FAM167A: variants seen among roughly 807,000 people sequenced by gnomAD.
FAM167A encodes protein FAM167A.
A neutral mutation model predicts 14.9 loss-of-function variants in FAM167A; 23 were observed. The ratio of observed to expected loss-of-function variants is 1.55; its 90% CI spans 1.11 to 2.19. The LOEUF (loss-of-function observed/expected upper bound fraction) is 2.19. Among genes scored for constraint, FAM167A ranks in the 30% most tolerant of loss-of-function variants. The pLI, the probability that FAM167A is intolerant of heterozygous loss-of-function variation, is 0.00. For synonymous variants in FAM167A, 174 were observed against 117.7 expected, an observed-to-expected ratio of 1.48 and a Z score of -3.10; for missense variants, 401 against 281.5, an observed-to-expected ratio of 1.42 and a Z score of -3.04.
At chr8:11,448,514 G>C (rs758415808) in intron 1 of FAM167A, among the ~76,000 whole-genome samples, 8 of 152,188 alleles carry the variant, frequency 5.3e-5, no homozygotes, top group Non-Finnish European at 1.2e-4. Flanking sequence ...GCACTGAGCA[G>C]ACACTCTGTT....
rs139444282 is a variant in FAM167A, at chr8:11,447,472, C to T, written c.-397-2664G>A. ...CCATCTGGTGGCACGGGCATTAGCCCCTGTGAACTGTGACCAGCTAGTGAT... is the reference window on the plus strand; with the variant it reads ...CCATCTGGTGGCACGGGCATTAGCCTCTGTGAACTGTGACCAGCTAGTGAT... On this transcript the variant is annotated intron_variant, in intron 1 of 2. Coordinates refer to ENST00000284486, the MANE Select transcript of FAM167A (RefSeq NM_053279.3). Among the ~76,000 whole-genome samples the T allele has an allele frequency of 3.1e-3, 476 of 152,330 alleles. 4 individuals carry two copies. The highest frequency in any genetic ancestry group is 0.011 in the African/African-American group (439 of 41,566).
At chr8:11,427,875 C>T (rs10102600) in intron 2 of FAM167A, among the ~76,000 whole-genome samples, 130,572 of 152,198 alleles carry the variant, frequency 0.86, 56,513 homozygotes, top group African/African-American at 0.97. Context: ...ATTCTATTGA[C>T]CTAGAATAGC....
chr8:11,463,572 C>A (rs141950895), intron 1 of FAM167A, among the ~76,000 whole-genome samples: 3 of 152,342 alleles, frequency 2.0e-5, no homozygotes, highest in Non-Finnish European at 2.9e-5. Flanking sequence ...ACTGCCTAGG[C>A]TCTTTCCATA....
At chr8:11,443,942 T>A in intron 2 of FAM167A, 89 bp downstream of exon 2, 1 of 1,429,638 alleles carries the variant, frequency 7.0e-7, no homozygotes, top group South Asian at 1.3e-5. Flanking sequence ...ATGGTGGGGG[T>A]GGGGAGACAG....
At chr8:11,452,120 G>A (rs1807051023) in intron 1 of FAM167A, among the ~76,000 whole-genome samples, 1 of 152,124 alleles carries the variant, frequency 6.6e-6, no homozygotes, top group African/African-American at 2.4e-5. Flanking sequence ...GGTGCTGTGC[G>A]ACCTCCCATT....
At chr8:11,457,269 C>A (rs1807373486) in intron 1 of FAM167A, among the ~76,000 whole-genome samples, 1 of 152,078 alleles carries the variant, frequency 6.6e-6, no homozygotes, top group South Asian at 2.1e-4. Flanking sequence ...CTAGCCTTCC[C>A]CCTTCCTGGA....
intron 1 of FAM167A, among the ~76,000 whole-genome samples, chr8:11,449,185 G>C (rs1163536342): frequency 1.3e-5 from 2 of 152,254 alleles, no homozygotes; most frequent in African/African-American, 4.8e-5. Flanking sequence ...GGGGAGCACT[G>C]TCCCCCTGGG....
chr8:11,447,792 G>A (rs1034889580), intron 1 of FAM167A, among the ~76,000 whole-genome samples: 1 of 152,246 alleles, frequency 6.6e-6, no homozygotes, highest in Admixed American at 6.5e-5. Flanking sequence ...ATTGCTTCAT[G>A]ACCACTCTGG....
intron 2 of FAM167A, among the ~76,000 whole-genome samples, chr8:11,431,187 A>G (rs1322820721): frequency 6.6e-6 from 1 of 152,280 alleles, no homozygotes; most frequent in Non-Finnish European, 1.5e-5. Context: ...TGGCCTATCC[A>G]TAAAGTGGAA....
intron 1 of FAM167A, among the ~76,000 whole-genome samples, chr8:11,460,505 G>A (rs1044056514): frequency 3.9e-5 from 6 of 152,196 alleles, no homozygotes; most frequent in East Asian, 1.9e-4. Context: ...ACTCGCCCAC[G>A]TTTCCCTGGG....
intron 2 of FAM167A, chr8:11,434,736 C>G (rs926982208): frequency 1.5e-5 from 4 of 260,950 alleles, no homozygotes; most frequent in Non-Finnish European, 3.0e-5. Flanking sequence ...GGTTCCAGTC[C>G]TAGTGCAGCC....
chr8:11,443,781 T>C, intron 2 of FAM167A: 1 of 498,436 alleles, frequency 2.0e-6, no homozygotes, highest in Non-Finnish European at 3.6e-6. Context: ...GTTCAGGTTC[T>C]GCCAGAAAAC....
intron 2 of FAM167A, among the ~76,000 whole-genome samples, chr8:11,435,889 G>A (rs6998356): frequency 0.08 from 12,201 of 152,224 alleles, 1,233 homozygotes; most frequent in African/African-American, 0.23. Flanking sequence ...ATCGAGTTCC[G>A]GAATTACTAG....
In FAM167A at chr8:11,423,564, C is replaced by G. The variant is rs1191389356; in HGVS notation, c.*809G>C. ...CAGGAGAATTCAGTTATGGAAAATG[C>G]TTTCAGGACCTGCCTGGTTCAGTCA... is the stretch of plus-strand genomic sequence containing the variant. On this transcript the variant is annotated 3_prime_UTR_variant, in exon 3 of 3. Coordinates refer to ENST00000284486, the MANE Select transcript of FAM167A (RefSeq NM_053279.3). 1 of 152,226 alleles carries G rather than the reference C, an allele frequency of 6.6e-6. No individual in the cohort carries two copies. Among genetic ancestry groups the G allele is most frequent in the Admixed American group, 6.5e-5 (1 of 15,280 alleles). The allele number at this position is 152,226 out of a possible 1,614,324, so 9.4% of individuals were successfully genotyped here.
At chr8:11,449,219 A>G (rs1288255052) in intron 1 of FAM167A, among the ~76,000 whole-genome samples, 1 of 152,236 alleles carries the variant, frequency 6.6e-6, no homozygotes, top group Non-Finnish European at 1.5e-5. Flanking sequence ...GAACAAGCCC[A>G]AAGGGGTTTC....
At chr8:11,473,531 A>T (rs945689940) in intron 1 of FAM167A, among the ~76,000 whole-genome samples, 5 of 152,178 alleles carry the variant, frequency 3.3e-5, no homozygotes, top group Non-Finnish European at 7.3e-5. Context: ...TTCTCTCCTA[A>T]AATCAACTCT....
At chr8:11,475,843 A>T (rs79491463) in intron 1 of FAM167A, among the ~76,000 whole-genome samples, 3,676 of 152,102 alleles carry the variant, frequency 0.024, 137 homozygotes, top group African/African-American at 0.08. Flanking sequence ...ATCACCTGGG[A>T]CACCTGCCAC....
At chr8:11,434,234 G>C (rs899695958) in intron 2 of FAM167A, 1 of 152,248 alleles carries the variant, frequency 6.6e-6, no homozygotes, top group Non-Finnish European at 1.5e-5. Context: ...AGCTGAAGCT[G>C]ACTCTCCTGG....
chr8:11,433,683 G>T lies in FAM167A; in HGVS notation c.382-9047C>A, dbSNP rs530900664. Among the ~76,000 whole-genome samples, 21 of 152,266 alleles carry T rather than the reference G, an allele frequency of 1.4e-4. No homozygotes were observed. The East Asian group carries it at 2.7e-3, about 20-fold the overall frequency. Reference sequence around the variant, plus strand: ...ATGCCAAGGTGGTGAAGGGCATTTTGTCTGGTCCCTTAAAGTCAGGCTCTT... The same window carrying T: ...ATGCCAAGGTGGTGAAGGGCATTTTTTCTGGTCCCTTAAAGTCAGGCTCTT... On this transcript the variant is annotated intron_variant, in intron 2 of 2. Transcript: ENST00000284486.
Sources: gnomAD v4.1 joint callset for allele counts (sites outside exome capture counted in the v4.1 genomes callset) on GRCh38, gnomAD v4.1.1 for gene constraint, MANE v1.5 for transcripts, NCBI Gene and HGNC (gene_info 2026-07-23, HGNC 2026-07-21) for gene names.